The following UNC5A variants were observed in gnomAD, a reference collection of about 807,000 sequenced individuals.
UNC5A encodes the protein unc-5 netrin receptor A, also known as netrin receptor UNC5A.
UNC5A carries 20 observed loss-of-function variants against 87.4 expected under a neutral mutation model. The ratio of observed to expected loss-of-function variants is 0.23; its 90% confidence interval spans 0.16 to 0.33. The LOEUF is 0.33. Ranked by LOEUF, UNC5A falls within the 10% of genes least tolerant of loss-of-function variation. The pLI is 1.00. For missense variants in UNC5A, 844 were observed against 1,133.4 expected, an observed-to-expected ratio of 0.74 and a Z score of 3.67; for synonymous variants, 438 against 482.3, an observed-to-expected ratio of 0.91 and a Z score of 1.20.
At chr5:176,858,444 A>G (rs904223125) in intron 1 of UNC5A, among the ~76,000 whole-genome samples, 1 of 152,128 alleles carries the variant, frequency 6.6e-6, no homozygotes, top group Non-Finnish European at 1.5e-5. Flanking sequence ...TCTTCAGAAA[A>G]GGGCTGGAGC....
At chr5:176,862,552 G>A (rs1056016386) in intron 1 of UNC5A, 72 bp from the exon 2 acceptor site, 178 of 1,434,634 alleles carry the variant, frequency 1.2e-4, no homozygotes, top group Non-Finnish European at 1.1e-4. Flanking sequence ...CGGTGGAATC[G>A]TTTGCTGAGC....
intron 1 of UNC5A, among the ~76,000 whole-genome samples, chr5:176,855,336 A>G (rs1757639816): frequency 6.6e-6 from 1 of 152,208 alleles, no homozygotes; most frequent in Admixed American, 6.5e-5. Context: ...TCCCTTCCCA[A>G]AAACCCGACC....
At chr5:176,836,424 T>C (rs1274537324) in intron 1 of UNC5A, among the ~76,000 whole-genome samples, 2 of 152,128 alleles carry the variant, frequency 1.3e-5, no homozygotes, top group African/African-American at 2.4e-5. Flanking sequence ...TTTGCACATC[T>C]GTGAAATGGA....
chr5:176,816,646 C>T (rs985250038), intron 1 of UNC5A, among the ~76,000 whole-genome samples: 4 of 152,278 alleles, frequency 2.6e-5, no homozygotes, highest in Non-Finnish European at 5.9e-5. Context: ...CAGCTCCTCC[C>T]TGCATGGCTT....
In UNC5A at chr5:176,877,702, A is replaced by G; in HGVS notation, c.1634A>G (p.Glu545Gly). The change falls in exon 10 of 15, where the codon GAG becomes GGG. Residue 545 changes from glutamate (E) to glycine (G), a missense_variant and splice_region_variant. By Grantham distance (98) the Glu-to-Gly change is moderately conservative. Around this residue, in one of 3 missense-constraint regions of UNC5A, gnomAD observed 353 missense variants for 387.5 expected, o/e 0.91. Transcript: ENST00000329542. ...LKKQSCEGSW[E>G]DVLHLGEEAP... The stretch of plus-strand genomic sequence containing the variant: ...AAGCAGTCGTGCGAGGGCAGCTGGG[A>G]GGTGAGCAGGGAACTGACCCGGGCT... The G allele has an allele frequency of 6.3e-7, 1 of 1,597,622 alleles. No individual in the cohort carries two copies. The highest frequency in any genetic ancestry group is 8.5e-7 in the Non-Finnish European group (1 of 1,170,262).
rs1179605137 is a variant in UNC5A at position 176,878,229 on chromosome 5, C to T, written c.1870-15C>T. The T allele has an allele frequency of 3.7e-6, 6 of 1,609,174 alleles. No homozygotes were observed. Among genetic ancestry groups the T allele is most frequent in the Non-Finnish European group, 8.5e-7 (1 of 1,178,782 alleles). On this transcript the variant is annotated splice_polypyrimidine_tract_variant and intron_variant, in intron 11 of 14. Coordinates refer to ENST00000329542, the MANE Select transcript of UNC5A (RefSeq NM_133369.3). ...AGTGGGGAGGGGCCTGGGCTGACCA[C>T]CTGGGGCACTGCAGGAGGTGGTGCA...
chr5:176,877,261 A>C lies in UNC5A; in HGVS notation c.1448A>C (p.His483Pro). The change falls in exon 9 of 15, where the codon CAC (histidine) becomes CCC (proline). Residue 483 changes from histidine (H) to proline (P), a missense_variant. His to Pro is a moderately conservative substitution (Grantham distance 77). This residue lies in a region of UNC5A where 353 missense variants were observed against 387.5 expected (regional missense o/e 0.91). Transcript: ENST00000329542. ...GKIYEIYLTL[H>P]KPEDVRLPLA... ...ATCTATGAGATCTACCTCACGCTGC[A>C]CAAGCCGGAAGACGTGAGGTGTGGC... The C allele has an allele frequency of 6.2e-7, 1 of 1,612,416 alleles. No homozygotes were observed. The highest frequency in any genetic ancestry group is 8.5e-7 in the Non-Finnish European group (1 of 1,179,660).
chr5:176,820,186 A>G (rs1756694818), intron 1 of UNC5A, among the ~76,000 whole-genome samples: 1 of 152,214 alleles, frequency 6.6e-6, no homozygotes, highest in Non-Finnish European at 1.5e-5. Context: ...TCACGAGGTC[A>G]GGAAATCGAG....
chr5:176,844,959 T>C lies in UNC5A; in HGVS notation c.71-17665T>C, dbSNP rs1391689609. ...GCAGCTTGCCGGAAAAGCCCCACCT[T>C]ATCAGAGGGCGGTGGTCTTGCCCTC... On this transcript the variant is annotated intron_variant, in intron 1 of 14. Coordinates refer to ENST00000329542, the MANE Select transcript of UNC5A (RefSeq NM_133369.3). This position sits in a 1 kb window ranked among gnomAD's most constrained non-coding sequence, Gnocchi z 4.2. Among the ~76,000 whole-genome samples, 2 of 152,128 alleles carry C rather than the reference T, an allele frequency of 1.3e-5. No homozygotes were observed. The highest frequency in any genetic ancestry group is 2.4e-5 in the African/African-American group (1 of 41,410).
At position 176,868,940 on chromosome 5, in the gene UNC5A, G is replaced by T; in HGVS notation, c.697G>T (p.Ala233Ser). The T allele has an allele frequency of 6.2e-7, 1 of 1,609,880 alleles. No individual in the cohort carries two copies. The change falls in exon 5 of 15, where the codon GCC becomes TCC. Residue 233 changes from alanine to serine, a missense_variant. Ala to Ser is a moderately conservative substitution (Grantham distance 99). Around this residue, in one of 3 missense-constraint regions of UNC5A, gnomAD observed 314 missense variants for 466.5 expected, o/e 0.67. Transcript: ENST00000329542. Reference sequence around the variant, plus strand: ...GAACATCGTGGCACGTCGCCGCAGCGCCTCCGCTGCTGTCATCGTCTACGG... The same window carrying T: ...GAACATCGTGGCACGTCGCCGCAGCTCCTCCGCTGCTGTCATCGTCTACGG... The part of the protein sequence containing the change: ...AKNIVARRRS[A>S]SAAVIVYVDG...
intron 1 of UNC5A, among the ~76,000 whole-genome samples, chr5:176,851,658 C>G (rs557626255): frequency 1.3e-5 from 2 of 152,190 alleles, no homozygotes; most frequent in African/African-American, 4.8e-5. Context: ...TGTGCACCCC[C>G]CTCGGGTGGC....
chr5:176,860,092 A>G (rs1030638494), intron 1 of UNC5A, among the ~76,000 whole-genome samples: 2 of 152,014 alleles, frequency 1.3e-5, no homozygotes, highest in African/African-American at 4.8e-5. Context: ...CCCTGCCCCC[A>G]CACGCCCAGC....
At chr5:176,878,684 C>G in intron 13 of UNC5A, 45 bp downstream of exon 13, 1 of 1,576,310 alleles carries the variant, frequency 6.3e-7, no homozygotes. Flanking sequence ...GCTCCCACTA[C>G]CAACTCCCCA....
chr5:176,865,274 C>T lies in UNC5A; in HGVS notation c.292+2429C>T, dbSNP rs1048127599. Among the ~76,000 whole-genome samples the T allele has an allele frequency of 1.3e-5, 2 of 152,222 alleles. No individual in the cohort carries two copies. Among genetic ancestry groups the T allele is most frequent in the African/African-American group, 2.4e-5 (1 of 41,464 alleles). On this transcript the variant is annotated intron_variant, in intron 2 of 14. Transcript: ENST00000329542. This position sits in a 1 kb window ranked among gnomAD's most constrained non-coding sequence, Gnocchi z 5.3. ...GTCCAGCCCCCTGCTGCTCCCAGCA[C>T]CCCCTTCCGGGCTCCCCCGCACACC... is the stretch of plus-strand genomic sequence containing the variant.
At position 176,810,695 on chromosome 5, in the gene UNC5A, C is replaced by A. The variant is rs1756427038; in HGVS notation, c.-56C>A. 1.4e-6 allele frequency: 1 copy of A among 710,542 alleles called. No homozygotes were observed. The highest frequency in any genetic ancestry group is 1.9e-5 in the African/African-American group (1 of 51,434). The allele number at this position is 710,542 out of a possible 1,614,324, so 44.0% of individuals were successfully genotyped here. ...GGGCTCCGGGCTGAGGCGCTAAAGC[C>A]GCCCTCCCGCCCGCGGGGCCCCGCG... On this transcript the variant is annotated 5_prime_UTR_variant, in exon 1 of 15. Transcript: ENST00000329542. This position sits in a 1 kb window ranked among gnomAD's most constrained non-coding sequence, Gnocchi z 7.3.
rs372881324 is a variant in UNC5A at position 176,859,048 on chromosome 5, T to C, written c.71-3576T>C. Among the ~76,000 whole-genome samples the C allele has an allele frequency of 3.9e-5, 6 of 152,346 alleles. 1 individual carries two copies. Among genetic ancestry groups the C allele is most frequent in the East Asian group, 3.9e-4 (2 of 5,176 alleles). ...CCTGTAGCCCCGAGAGGACGTCCAG[T>C]AGCACCTTAATTTACCCCACCCATG... is the stretch of plus-strand genomic sequence containing the variant. On this transcript the variant is annotated intron_variant, in intron 1 of 14. Coordinates refer to ENST00000329542, the MANE Select transcript of UNC5A (RefSeq NM_133369.3).
At chr5:176,811,197 C>T (rs1756443676) in intron 1 of UNC5A, among the ~76,000 whole-genome samples, 2 of 152,182 alleles carry the variant, frequency 1.3e-5, no homozygotes. Context: ...TATCCCAGTG[C>T]CCAGGAAATG....
At position 176,878,512 on chromosome 5, in the gene UNC5A, G is replaced by A. The variant is rs534497995; in HGVS notation, c.2057G>A (p.Arg686Gln). 20 of 1,613,092 alleles carry A rather than the reference G, an allele frequency of 1.2e-5. No homozygotes were observed. Among genetic ancestry groups the A allele is most frequent in the South Asian group, 8.8e-5 (8 of 91,082 alleles). Reference protein sequence around the residue: ...PFYHIWNGTQRYLHCTFTLER... With the variant: ...PFYHIWNGTQQYLHCTFTLER... ...TATCACATCTGGAATGGCACGCAGC[G>A]GTACTTGCACTGCACCTTCACCCTG... Residue 686 changes from arginine (R) to glutamine (Q), a missense_variant, in exon 13 of 15, where the codon CGG (arginine) becomes CAG (glutamine). This residue lies in a region of UNC5A where 177 missense variants were observed against 279.4 expected (regional missense o/e 0.63). Transcript: ENST00000329542.
chr5:176,819,564 T>G (rs1756677977), intron 1 of UNC5A, among the ~76,000 whole-genome samples: 1 of 152,186 alleles, frequency 6.6e-6, no homozygotes, highest in East Asian at 1.9e-4. Context: ...GCCAGGAGCT[T>G]CCGGGACTAC....
Sources: gnomAD v4.1 joint callset for allele counts (sites outside exome capture counted in the v4.1 genomes callset) on GRCh38, gnomAD v4.1.1 for gene constraint, gnomAD v4.1.1 regional missense constraint, Gnocchi (gnomAD v3.1) non-coding constraint, MANE v1.5 for transcripts, NCBI Gene and HGNC (gene_info 2026-07-23, HGNC 2026-07-21) for gene names.